PCDHGA6: variants seen among roughly 807,000 people sequenced by gnomAD.
The protein encoded by PCDHGA6 is protocadherin gamma subfamily A, 6, also known as protocadherin gamma-A6.
PCDHGA6 carries 41 observed loss-of-function variants against 60.6 expected under a neutral mutation model. That is an observed-to-expected ratio of 0.68 (90% CI 0.53 to 0.88). The LOEUF (loss-of-function observed/expected upper bound fraction) is 0.88. PCDHGA6 is among the 40% of genes least tolerant of loss of function. The pLI is 0.00. For missense variants in PCDHGA6, 1,312 were observed against 1,203.0 expected (o/e 1.09, Z -1.34); for synonymous variants, 594 against 524.4 (o/e 1.13, Z -1.81).
rs1173627393 is a variant in PCDHGA6 at position 141,487,102 on chromosome 5, G to A, written c.2425-7705G>A. ...CAGCTGACCTCCCACCACAGAAGCT[G>A]GTCATTGTGGTAAAGGATAGTGGTA... On this transcript the variant is annotated intron_variant, in intron 1 of 3. Coordinates refer to ENST00000517434, the MANE Select transcript of PCDHGA6 (RefSeq NM_018919.3). This position sits in a 1 kb window ranked among gnomAD's most constrained non-coding sequence, Gnocchi z 5.0. 1 of 1,613,900 alleles carries A rather than the reference G, an allele frequency of 6.2e-7. No homozygotes were observed.
At chr5:141,390,882 G>A (rs892294372) in intron 1 of PCDHGA6, 2 of 152,824 alleles carry the variant, frequency 1.3e-5, no homozygotes, top group Non-Finnish European at 2.9e-5. Flanking sequence ...GTGTGTGTGT[G>A]TGTGTGAGAG....
In PCDHGA6 at chr5:141,409,272, T is replaced by G. The variant is rs2095250021; in HGVS notation, c.2424+32765T>G. ...ATCACTTCTCTCTCTGATCAGATTT[T>G]GGAGAATTCACCTCCAGGAATGGTT... On this transcript the variant is annotated intron_variant, in intron 1 of 3. Coordinates refer to ENST00000517434, the MANE Select transcript of PCDHGA6 (RefSeq NM_018919.3). 5 of 1,614,042 alleles carry G rather than the reference T, an allele frequency of 3.1e-6. No individual in the cohort carries two copies. In the South Asian group the frequency reaches 4.4e-5, roughly 14 times the overall value.
intron 1 of PCDHGA6, chr5:141,387,776 A>G: frequency 6.9e-7 from 1 of 1,452,928 alleles, no homozygotes; most frequent in Non-Finnish European, 9.2e-7. Flanking sequence ...TTTTTCTTGA[A>G]CTGGAACTGC....
intron 1 of PCDHGA6, among the ~76,000 whole-genome samples, chr5:141,386,528 T>G (rs1181319415): frequency 6.6e-6 from 1 of 152,148 alleles, no homozygotes; most frequent in African/African-American, 2.4e-5. Context: ...AAGACTCTTT[T>G]TAGACTAGTG....
intron 1 of PCDHGA6, chr5:141,415,794 A>G: frequency 1.5e-6 from 2 of 1,366,408 alleles, no homozygotes; most frequent in Non-Finnish European, 1.9e-6. Context: ...AAATTCACCT[A>G]GTCTCAATCA....
At position 141,431,178 on chromosome 5, in the gene PCDHGA6, T is replaced by A; in HGVS notation, c.2424+54671T>A. 2 of 1,614,078 alleles carry A rather than the reference T, an allele frequency of 1.2e-6. No individual in the cohort carries two copies. Among genetic ancestry groups the A allele is most frequent in the Non-Finnish European group, 1.7e-6 (2 of 1,180,000 alleles). On this transcript the variant is annotated intron_variant, in intron 1 of 3. Coordinates refer to ENST00000517434, the MANE Select transcript of PCDHGA6 (RefSeq NM_018919.3). This position sits in a 1 kb window ranked among gnomAD's most constrained non-coding sequence, Gnocchi z 4.8. ...TACTTTCGTGAAAGTGAATTAGAAATAAAAATTAGTGAAAATGCAGCCACT... is the reference window on the plus strand; with the variant it reads ...TACTTTCGTGAAAGTGAATTAGAAAAAAAAATTAGTGAAAATGCAGCCACT...
intron 1 of PCDHGA6, chr5:141,399,654 G>A (rs2093857278): frequency 1.2e-6 from 2 of 1,613,586 alleles, no homozygotes. Flanking sequence ...AAAGTGGGGT[G>A]GTGTTCGCGC....
chr5:141,415,947 C>T (rs1161530180), intron 1 of PCDHGA6: 1 of 532,382 alleles, frequency 1.9e-6, no homozygotes, highest in Admixed American at 4.2e-5. Flanking sequence ...CCTGGGTGGT[C>T]ACATATTGAA....
intron 1 of PCDHGA6, chr5:141,422,368 G>A: frequency 1.9e-6 from 3 of 1,565,294 alleles, no homozygotes; most frequent in Non-Finnish European, 2.6e-6. Context: ...TGGAGAAAAT[G>A]GTCAAGTCTC....
intron 1 of PCDHGA6, among the ~76,000 whole-genome samples, chr5:141,488,782 C>T (rs990081222): frequency 2.0e-5 from 3 of 152,178 alleles, no homozygotes; most frequent in Non-Finnish European, 1.5e-5. Flanking sequence ...TTTTGTATCA[C>T]TTTGTCTTCC....
chr5:141,432,090 A>T lies in PCDHGA6; in HGVS notation c.2424+55583A>T. 1 of 1,614,164 alleles carries T rather than the reference A, an allele frequency of 6.2e-7. No homozygotes were observed. Among genetic ancestry groups the T allele is most frequent in the Non-Finnish European group, 8.5e-7 (1 of 1,180,034 alleles). On this transcript the variant is annotated intron_variant, in intron 1 of 3. Transcript: ENST00000517434. The surrounding 1 kb of genome is among the most constrained non-coding windows in gnomAD (Gnocchi z 6.0). ...ACTCATATCTCGCTGAACGTGGCAG[A>T]CACCAACGACAACCCGCCGGTCTTC... is the stretch of plus-strand genomic sequence containing the variant.
In PCDHGA6 at chr5:141,422,509, C is replaced by G. The variant is rs1249006816; in HGVS notation, c.2424+46002C>G. On this transcript the variant is annotated intron_variant, in intron 1 of 3. Coordinates refer to ENST00000517434, the MANE Select transcript of PCDHGA6 (RefSeq NM_018919.3). ...CAATATAACGTTGACAGCCACAGAC[C>G]AGGGAAGCCCGCCTTTGTCTGCAGA... The G allele has an allele frequency of 1.9e-6, 3 of 1,613,836 alleles. No homozygotes were observed. In the South Asian group the frequency reaches 3.3e-5, roughly 18 times the overall value.
intron 1 of PCDHGA6, chr5:141,403,631 C>A (rs751580878): frequency 2.5e-6 from 4 of 1,613,912 alleles, no homozygotes; most frequent in Non-Finnish European, 2.5e-6. Flanking sequence ...CAGCACAGTG[C>A]GCATCCATGT....
chr5:141,427,606 G>A (rs965315804), intron 1 of PCDHGA6: 2 of 688,192 alleles, frequency 2.9e-6, no homozygotes, highest in African/African-American at 3.5e-5. Flanking sequence ...CTACGCATTG[G>A]TGAAGTCAAC....
chr5:141,496,342 G>A (rs1430202202), intron 2 of PCDHGA6, among the ~76,000 whole-genome samples: 1 of 152,208 alleles, frequency 6.6e-6, no homozygotes, highest in East Asian at 1.9e-4. Context: ...GAGCCTGGAG[G>A]AGTCTCAGAG....
chr5:141,390,176 C>T lies in PCDHGA6; in HGVS notation c.2424+13669C>T, dbSNP rs763410454. The T allele has an allele frequency of 5.6e-6, 9 of 1,614,000 alleles. No individual in the cohort carries two copies. In the East Asian group the frequency reaches 1.1e-4, roughly 20 times the overall value. ...ATACAGGAAAGACGGAGTTTAATTT[C>T]CTAAAATGTAGTGAGCAGTTGAGTT... On this transcript the variant is annotated intron_variant, in intron 1 of 3. Transcript: ENST00000517434.
intron 1 of PCDHGA6, among the ~76,000 whole-genome samples, chr5:141,455,161 T>G (rs6861291): frequency 0.084 from 8,821 of 104,682 alleles, 480 homozygotes; most frequent in African/African-American, 0.22. Context: ...AGTTTGTTGG[T>G]TTTTTTTTTA....
At chr5:141,403,774 C>A (rs1350465491) in intron 1 of PCDHGA6, 1 of 1,613,786 alleles carries the variant, frequency 6.2e-7, no homozygotes, top group Non-Finnish European at 8.5e-7. Context: ...AGGGAATCAA[C>A]GGAAAAGTGG....
Position 141,422,952 on chromosome 5 carries a change from C to T in PCDHGA6, c.2424+46445C>T, listed in dbSNP as rs759618535. 11 of 1,614,254 alleles carry T rather than the reference C, an allele frequency of 6.8e-6. No homozygotes were observed. The East Asian group carries it at 2.0e-4, about 29-fold the overall frequency. On this transcript the variant is annotated intron_variant, in intron 1 of 3. Coordinates refer to ENST00000517434, the MANE Select transcript of PCDHGA6 (RefSeq NM_018919.3). ...CCCTCCCCACAGACGGCTCCACTGG[C>T]GTGGAGCTGGCGCCCCGCTCTGCGG...
Sources: allele counts gnomAD v4.1 joint callset (sites outside exome capture counted in the v4.1 genomes callset), GRCh38; gene constraint gnomAD v4.1.1; non-coding constraint Gnocchi (gnomAD v3.1); transcripts MANE v1.5; gene names NCBI Gene and HGNC (gene_info 2026-07-23, HGNC 2026-07-21).